MYLK: variants seen among roughly 807,000 people sequenced by gnomAD.
MYLK encodes myosin light chain kinase, smooth muscle.
MYLK carries 106 observed loss-of-function variants against 203.4 expected under a neutral mutation model. The ratio of observed to expected loss-of-function variants is 0.52; its 90% CI spans 0.45 to 0.61. MYLK has a LOEUF of 0.61. Ranked by LOEUF, MYLK falls within the 20% of genes least tolerant of loss-of-function variation. MYLK has a pLI of 0.00. For missense variants in MYLK, 2,072 were observed against 2,442.3 expected (o/e 0.85, Z 3.20); for synonymous variants, 867 against 959.5 (o/e 0.90, Z 1.78).
chr3:123,657,295 T>C lies in MYLK; in HGVS notation c.4119A>G (p.Ser1373=), dbSNP rs758896854. 3.3e-5 allele frequency: 53 copies of C among 1,614,026 alleles called. No homozygotes were observed. The highest frequency in any genetic ancestry group is 4.4e-5 in the Non-Finnish European group (52 of 1,180,032). ...VQSYSIEIWD[S]ANKTWKELAT... ...CTAGTTCCTTCCACGTCTTGTTGGC[T>C]GAGTCCCAGATCTCGATGCTGTAGG... The change falls in exon 24 of 34, where the codon TCA becomes TCG. Residue 1373 remains serine, a synonymous_variant. Transcript: ENST00000360304.
intron 3 of MYLK, among the ~76,000 whole-genome samples, chr3:123,800,404 G>C (rs1377648888): frequency 6.6e-6 from 1 of 152,088 alleles, no homozygotes; most frequent in African/African-American, 2.4e-5. Flanking sequence ...TCTTCCCTAA[G>C]CTGAAGAAGC....
At chr3:123,750,976 G>A (rs2063175074) in intron 5 of MYLK, among the ~76,000 whole-genome samples, 1 of 152,188 alleles carries the variant, frequency 6.6e-6, no homozygotes, top group African/African-American at 2.4e-5. Flanking sequence ...TGTGGTGTGG[G>A]GAGACAGGGA....
chr3:123,670,134 A>AT (rs1300681915), intron 20 of MYLK, among the ~76,000 whole-genome samples: 1 of 152,058 alleles, frequency 6.6e-6, no homozygotes, highest in Non-Finnish European at 1.5e-5. Flanking sequence ...TATTTTTACA[A>AT]TTTTTTCTGT....
At chr3:123,881,147 C>G (rs2033508500) in intron 1 of MYLK, among the ~76,000 whole-genome samples, 1 of 152,136 alleles carries the variant, frequency 6.6e-6, no homozygotes, top group South Asian at 2.1e-4. Context: ...AGGTAGGAGG[C>G]TGGGGGAGCA....
chr3:123,730,615 A>C (rs1271627652), intron 11 of MYLK, among the ~76,000 whole-genome samples: 4 of 152,248 alleles, frequency 2.6e-5, no homozygotes, highest in African/African-American at 9.6e-5. Flanking sequence ...ACACAGATGA[A>C]CCCTGAAAAC....
chr3:123,761,920 G>A (rs982849509), intron 4 of MYLK, among the ~76,000 whole-genome samples: 1 of 152,030 alleles, frequency 6.6e-6, no homozygotes, highest in Admixed American at 6.5e-5. Context: ...CCAGCTACTC[G>A]GGAGCCTGAG....
intron 4 of MYLK, among the ~76,000 whole-genome samples, chr3:123,774,758 A>G (rs1470630495): frequency 6.6e-6 from 1 of 152,116 alleles, no homozygotes; most frequent in Non-Finnish European, 1.5e-5. Flanking sequence ...AAAGGCCTAG[A>G]ATGAAACCGG....
intron 24 of MYLK, among the ~76,000 whole-genome samples, chr3:123,649,462 G>A (rs1321743448): frequency 6.6e-6 from 1 of 152,148 alleles, no homozygotes; most frequent in East Asian, 1.9e-4. Context: ...TAGCCTCATG[G>A]TCCCCAGATA....
At chr3:123,727,124 G>A (rs955463645) in intron 11 of MYLK, among the ~76,000 whole-genome samples, 3 of 152,176 alleles carry the variant, frequency 2.0e-5, no homozygotes, top group Admixed American at 6.5e-5. Context: ...TCCCATAGTT[G>A]AACTCGATGC....
Position 123,700,677 on chromosome 3 carries a change from G to A in MYLK, c.2791C>T (p.Arg931Trp), listed in dbSNP as rs762375833. 34 of 1,614,134 alleles carry A rather than the reference G, an allele frequency of 2.1e-5. No homozygotes were observed. The South Asian group carries it at 2.4e-4, about 11-fold the overall frequency. Residue 931 changes from arginine (R) to tryptophan (W), a missense_variant, in exon 18 of 34, where the codon CGG becomes TGG. Arg to Trp is a moderately radical substitution (Grantham distance 101, BLOSUM62 -3). Around this residue, in one of 3 missense-constraint regions of MYLK, gnomAD observed 865 missense variants for 1,016.0 expected, o/e 0.85. Coordinates refer to ENST00000360304, the MANE Select transcript of MYLK (RefSeq NM_053025.4). ...GACACAGTCTTTGGCTTCACTTGCC[G>A]CTGCAGGTTGGCACGGAAATCCATC... ...EQMDFRANLQ[R>W]QVKPKTVSEE... is the part of the protein sequence containing the mutation.
At chr3:123,772,492 A>T (rs2108990669) in intron 4 of MYLK, among the ~76,000 whole-genome samples, 1 of 152,256 alleles carries the variant, frequency 6.6e-6, no homozygotes, top group South Asian at 2.1e-4. Flanking sequence ...GGTAGAAGAA[A>T]TGTGGATATA....
chr3:123,652,590 A>T (rs900210753), intron 24 of MYLK, among the ~76,000 whole-genome samples: 4 of 152,170 alleles, frequency 2.6e-5, no homozygotes, highest in Admixed American at 2.6e-4. Flanking sequence ...GCAGCCTGGG[A>T]TGGGAGCGGT....
At chr3:123,725,700 C>T (rs1412498950) in intron 12 of MYLK, among the ~76,000 whole-genome samples, 1 of 152,226 alleles carries the variant, frequency 6.6e-6, no homozygotes, top group African/African-American at 2.4e-5. Flanking sequence ...AACCACCACC[C>T]TGCACATAGG....
chr3:123,708,553 C>T, intron 15 of MYLK, 145 bp downstream of exon 15: 1 of 827,578 alleles, frequency 1.2e-6, no homozygotes, highest in Non-Finnish European at 1.9e-6. Context: ...AGGGAGCTGG[C>T]CTCTGGGGCT....
chr3:123,720,538 C>G (rs1380872095), intron 13 of MYLK, among the ~76,000 whole-genome samples: 1 of 152,238 alleles, frequency 6.6e-6, no homozygotes, highest in East Asian at 1.9e-4. Flanking sequence ...AGTCCTGCTT[C>G]CTGGACCTCA....
At chr3:123,706,888 T>A (rs771625769) in intron 16 of MYLK, among the ~76,000 whole-genome samples, 8 of 152,106 alleles carry the variant, frequency 5.3e-5, no homozygotes, top group Non-Finnish European at 8.8e-5. Context: ...AAAGGTAGCC[T>A]CCCTGTGGTA....
chr3:123,748,442 C>A (rs576272388), intron 5 of MYLK, among the ~76,000 whole-genome samples: 1 of 152,242 alleles, frequency 6.6e-6, no homozygotes, highest in Non-Finnish European at 1.5e-5. Flanking sequence ...TCTGTGTAAA[C>A]CTTGTTTATT....
chr3:123,664,051 G>A (rs1255250235), intron 23 of MYLK, 54 bp downstream of exon 23: 3 of 1,611,710 alleles, frequency 1.9e-6, no homozygotes, highest in East Asian at 2.2e-5. Flanking sequence ...TTGCCTGGGG[G>A]CTCCCTGCCT....
chr3:123,793,136 A>G (rs17125), intron 4 of MYLK, among the ~76,000 whole-genome samples: 115,501 of 152,128 alleles, frequency 0.76, 48,000 homozygotes, highest in East Asian at 0.93. Flanking sequence ...GATCATGCCT[A>G]TTTGTAGAAG....
Sources: allele counts gnomAD v4.1 joint callset (sites outside exome capture counted in the v4.1 genomes callset), GRCh38; gene constraint gnomAD v4.1.1; regional missense constraint gnomAD v4.1.1; transcripts MANE v1.5; gene names NCBI Gene and HGNC (gene_info 2026-07-23, HGNC 2026-07-21).